The following FHIT variants were observed in gnomAD, a reference collection of about 807,000 sequenced individuals.
FHIT encodes the protein fragile histidine triad diadenosine triphosphatase.
In FHIT, 19 loss-of-function variants were observed where a neutral mutation model predicts 17.9. The ratio of observed to expected loss-of-function variants is 1.06; its 90% CI spans 0.74 to 1.56. The LOEUF (loss-of-function observed/expected upper bound fraction) is 1.56, where lower values mean the gene tolerates loss of function less well. Ranked by LOEUF, FHIT falls within the 40% of genes most tolerant of loss-of-function variation. The pLI is 0.00. For synonymous variants in FHIT, 81 were observed against 69.7 expected (o/e 1.16, Z -0.81); for missense variants, 248 against 189.2 (o/e 1.31, Z -1.82).
intron 5 of FHIT, among the ~76,000 whole-genome samples, chr3:60,347,744 C>T (rs958240697): frequency 1.3e-5 from 2 of 148,792 alleles, no homozygotes; most frequent in Non-Finnish European, 3.0e-5. Context: ...TTGCCCCAAA[C>T]CCCAAGCATG....
intron 8 of FHIT, among the ~76,000 whole-genome samples, chr3:59,920,673 G>A (rs897398144): frequency 2.6e-5 from 4 of 152,112 alleles, no homozygotes; most frequent in Non-Finnish European, 5.9e-5. Flanking sequence ...TATAATTCAC[G>A]TGCTAATTTA....
At chr3:60,589,779 A>G (rs1395336623) in intron 4 of FHIT, among the ~76,000 whole-genome samples, 1 of 152,026 alleles carries the variant, frequency 6.6e-6, no homozygotes, top group Non-Finnish European at 1.5e-5. Flanking sequence ...TATATTTTTG[A>G]TTGTGATTTA....
chr3:59,754,533 G>A (rs931900538), intron 8 of FHIT, among the ~76,000 whole-genome samples: 15 of 152,144 alleles, frequency 9.9e-5, no homozygotes, highest in Non-Finnish European at 1.9e-4. Flanking sequence ...GGATGACAAA[G>A]AGATATGCAA....
In FHIT at chr3:60,908,223, TA is replaced by T. The variant is rs1706538612; in HGVS notation, c.-110-86213del. Among the ~76,000 whole-genome samples the T allele has an allele frequency of 3.3e-5, 5 of 152,154 alleles. No individual in the cohort carries two copies. The South Asian group carries it at 1.0e-3, about 32-fold the overall frequency. On this transcript the variant is annotated intron_variant, in intron 3 of 9. Transcript: ENST00000492590. ...CTGGGGTGGCATGGAGTGGGGGTGT[TA>T]AATTTTACAAACACAGCATCCAAAA...
chr3:60,065,349 A>G (rs1260810951), intron 5 of FHIT, among the ~76,000 whole-genome samples: 5 of 152,076 alleles, frequency 3.3e-5, no homozygotes, highest in Non-Finnish European at 7.4e-5. Context: ...TGTCACCGAG[A>G]GGCTTAACCT....
chr3:59,994,753 G>C (rs775658690), intron 7 of FHIT, among the ~76,000 whole-genome samples: 9 of 152,030 alleles, frequency 5.9e-5, no homozygotes, highest in Non-Finnish European at 1.3e-4. Context: ...ACAAAGGGTC[G>C]CCATTGATAA....
intron 1 of FHIT, among the ~76,000 whole-genome samples, chr3:61,236,898 C>T (rs1199994874): frequency 6.6e-6 from 1 of 152,134 alleles, no homozygotes; most frequent in Non-Finnish European, 1.5e-5. Flanking sequence ...AGGAGAGAAC[C>T]CACAATGAAG....
At chr3:59,749,747 CT>C (rs1559567006) in intron 9 of FHIT, 168 bp from the exon 10 acceptor site, 1 of 228,438 alleles carries the variant, frequency 4.4e-6, no homozygotes, top group Non-Finnish European at 8.7e-6. Flanking sequence ...AACTATATTT[CT>C]GTCCAGAACC....
Position 60,132,129 on chromosome 3 carries a change from T to C in FHIT, c.104-117977A>G, listed in dbSNP as rs553801797. ...GAGACAGAACCCTCCTCCAGAGAGC[T>C]TTCCATGTCCCCCTTATTTAGTCTG... is the stretch of plus-strand genomic sequence containing the variant. On this transcript the variant is annotated intron_variant, in intron 5 of 9. Transcript: ENST00000492590. 3.9e-5 allele frequency among the ~76,000 whole-genome samples: 6 copies of C among 152,320 alleles called. No homozygotes were observed. The East Asian group carries it at 9.7e-4, about 25-fold the overall frequency.
intron 8 of FHIT, among the ~76,000 whole-genome samples, chr3:59,882,057 C>A (rs1055231202): frequency 1.3e-5 from 2 of 152,066 alleles, no homozygotes; most frequent in Non-Finnish European, 2.9e-5. Context: ...TCATTTTCAA[C>A]CAATTTTTAA....
chr3:60,124,401 G>A (rs1488715449), intron 5 of FHIT, among the ~76,000 whole-genome samples: 1 of 151,896 alleles, frequency 6.6e-6, no homozygotes, highest in Non-Finnish European at 1.5e-5. Flanking sequence ...AAAAATACTT[G>A]AATCTTCTGT....
intron 3 of FHIT, among the ~76,000 whole-genome samples, chr3:60,865,874 C>G (rs1236807714): frequency 6.6e-6 from 1 of 152,112 alleles, no homozygotes; most frequent in Non-Finnish European, 1.5e-5. Context: ...GTAGACAAGA[C>G]AGTTAAATTT....
chr3:60,107,598 G>A (rs1408709264), intron 5 of FHIT, among the ~76,000 whole-genome samples: 1 of 152,138 alleles, frequency 6.6e-6, no homozygotes, highest in Non-Finnish European at 1.5e-5. Flanking sequence ...TATCCCATTA[G>A]AAAGTCACTA....
At chr3:61,057,521 G>C (rs1393881167) in intron 2 of FHIT, among the ~76,000 whole-genome samples, 1 of 151,694 alleles carries the variant, frequency 6.6e-6, no homozygotes, top group Non-Finnish European at 1.5e-5. Context: ...GAATATCTTT[G>C]GTAGGAAAAA....
intron 3 of FHIT, among the ~76,000 whole-genome samples, chr3:60,945,916 C>T (rs1053646075): frequency 1.3e-5 from 2 of 152,176 alleles, no homozygotes; most frequent in African/African-American, 4.8e-5. Context: ...GCAGGATCAC[C>T]GTGTAGAACA....
At chr3:60,332,535 T>C (rs1453662030) in intron 5 of FHIT, among the ~76,000 whole-genome samples, 1 of 152,250 alleles carries the variant, frequency 6.6e-6, no homozygotes, top group East Asian at 1.9e-4. Context: ...CCCAGAGGGC[T>C]GTGGGATCTA....
At chr3:60,004,779 C>T (rs866142976) in intron 7 of FHIT, among the ~76,000 whole-genome samples, 1 of 152,056 alleles carries the variant, frequency 6.6e-6, no homozygotes, top group African/African-American at 2.4e-5. Context: ...CCTCAGTTTC[C>T]CTAAGTGTAA....
intron 5 of FHIT, among the ~76,000 whole-genome samples, chr3:60,363,796 C>A (rs1700000718): frequency 6.6e-6 from 1 of 152,158 alleles, no homozygotes; most frequent in African/African-American, 2.4e-5. Flanking sequence ...GTGTGATAGA[C>A]TCCAGGCAGG....
chr3:60,736,433 T>C (rs556354593), intron 4 of FHIT, among the ~76,000 whole-genome samples: 3 of 152,332 alleles, frequency 2.0e-5, no homozygotes, highest in African/African-American at 7.2e-5. Context: ...AAATGTGTCA[T>C]ATCCACACAA....
Sources: gnomAD v4.1 joint callset for allele counts (sites outside exome capture counted in the v4.1 genomes callset) on GRCh38, gnomAD v4.1.1 for gene constraint, MANE v1.5 for transcripts, NCBI Gene and HGNC (gene_info 2026-07-23, HGNC 2026-07-21) for gene names.